NTNG2: variants seen among roughly 807,000 people sequenced by gnomAD.
NTNG2 encodes the protein netrin-G2.
In NTNG2, 15 loss-of-function variants were observed where a neutral mutation model predicts 47.6. The ratio of observed to expected loss-of-function variants is 0.32; its 90% CI spans 0.21 to 0.49. The LOEUF is 0.49. Among genes scored for constraint, NTNG2 ranks in the 20% least tolerant of loss-of-function variants. The pLI is 0.99. For missense variants in NTNG2, 578 were observed against 764.6 expected (o/e 0.76, Z 2.88); for synonymous variants, 307 against 324.6 (o/e 0.95, Z 0.58).
chr9:132,210,865 G>A (rs1839538483), intron 3 of NTNG2, among the ~76,000 whole-genome samples: 2 of 152,150 alleles, frequency 1.3e-5, no homozygotes, highest in Middle Eastern at 6.8e-3. Context: ...GCCTGTTTTA[G>A]ACTCACAGAT....
chr9:132,227,672 C>T (rs1370964343), intron 4 of NTNG2, among the ~76,000 whole-genome samples: 5 of 152,314 alleles, frequency 3.3e-5, no homozygotes, highest in East Asian at 3.9e-4. Flanking sequence ...TCCCCCCGCA[C>T]GTGCTCTCTG....
At chr9:132,194,890 C>A (rs1033413628) in intron 2 of NTNG2, among the ~76,000 whole-genome samples, 1 of 152,216 alleles carries the variant, frequency 6.6e-6, no homozygotes, top group Non-Finnish European at 1.5e-5. Flanking sequence ...TGGTGGGGGC[C>A]GCGGGGCTGT....
intron 3 of NTNG2, among the ~76,000 whole-genome samples, chr9:132,214,271 C>G (rs986835585): frequency 6.6e-6 from 1 of 152,254 alleles, no homozygotes; most frequent in Admixed American, 6.5e-5. Context: ...AAGGGCCCCG[C>G]TCACGATTTT....
intron 2 of NTNG2, among the ~76,000 whole-genome samples, chr9:132,185,517 C>T (rs1401469129): frequency 6.6e-6 from 1 of 152,136 alleles, no homozygotes; most frequent in Non-Finnish European, 1.5e-5. Context: ...CTAGCTTATG[C>T]TCTGCACAAG....
intron 5 of NTNG2, among the ~76,000 whole-genome samples, chr9:132,237,254 G>A (rs1841696394): frequency 6.6e-6 from 1 of 152,146 alleles, no homozygotes; most frequent in Non-Finnish European, 1.5e-5. Context: ...GAGGAGAGGG[G>A]CTGTGTGATT....
In NTNG2 at chr9:132,197,889, G is replaced by T. The variant is rs1462134410; in HGVS notation, c.214-77G>T. ...CAGGTTTCTCGGTTCGCAGGCAGGG[G>T]CTAGGCCGCGCAGAGGCTTCCCAGG... On this transcript the variant is annotated intron_variant, in intron 2 of 7. Coordinates refer to ENST00000393229, the MANE Select transcript of NTNG2 (RefSeq NM_032536.4). This position sits in a 1 kb window ranked among gnomAD's most constrained non-coding sequence, Gnocchi z 4.3. 1.5e-5 allele frequency: 21 copies of T among 1,435,114 alleles called. No homozygotes were observed. The highest frequency in any genetic ancestry group is 2.0e-5 in the Non-Finnish European group (21 of 1,061,186). 88.9% of individuals were successfully genotyped at this position (1,435,114 alleles called of 1,614,324 possible).
intron 4 of NTNG2, among the ~76,000 whole-genome samples, chr9:132,227,841 T>G (rs1840898585): frequency 6.6e-6 from 1 of 152,216 alleles, no homozygotes; most frequent in African/African-American, 2.4e-5. Flanking sequence ...AGGAAGCCCC[T>G]GGGCTGCAAG....
At chr9:132,241,163 G>C (rs2131056654) in intron 7 of NTNG2, 119 bp downstream of exon 7, 2 of 1,283,874 alleles carry the variant, frequency 1.6e-6, no homozygotes, top group Admixed American at 2.8e-5. Flanking sequence ...TAGCAAGACG[G>C]GGCAGGGCCG....
rs1014892889 is a variant in NTNG2 at position 132,226,749 on chromosome 9, ACCCTCCTGGGC to A, written c.858-89_858-79del. ...AGGGTTTCTTCCTGGGCAGCCCAAC[ACCCTCCTGGGC>A]CCCTCCTGGGAGGCGCTCCTTTCCC... On this transcript the variant is annotated intron_variant, in intron 3 of 7. Coordinates refer to ENST00000393229, the MANE Select transcript of NTNG2 (RefSeq NM_032536.4). This position sits in a 1 kb window ranked among gnomAD's most constrained non-coding sequence, Gnocchi z 4.8. 1.0e-4 allele frequency: 112 copies of A among 1,102,196 alleles called. No homozygotes were observed. The highest frequency in any genetic ancestry group is 1.3e-4 in the Non-Finnish European group (102 of 800,318). The allele number at this position is 1,102,196 out of a possible 1,614,324, so 68.3% of individuals were successfully genotyped here.
At chr9:132,167,106 C>A (rs1835546831) in intron 2 of NTNG2, 62 bp downstream of exon 2, 1 of 1,563,604 alleles carries the variant, frequency 6.4e-7, no homozygotes, top group Non-Finnish European at 8.8e-7. Context: ...TGGAGGAGAT[C>A]CTTGGGGTGG....
At chr9:132,212,928 C>T (rs1021532672) in intron 3 of NTNG2, among the ~76,000 whole-genome samples, 1 of 147,682 alleles carries the variant, frequency 6.8e-6, no homozygotes. Context: ...CACATCTCTC[C>T]CAACCCCCCA....
chr9:132,174,081 G>GAC (rs1836188292), intron 2 of NTNG2, among the ~76,000 whole-genome samples: 1 of 145,574 alleles, frequency 6.9e-6, no homozygotes, highest in Non-Finnish European at 1.5e-5. Flanking sequence ...CGGACAGACG[G>GAC]ACAGATAGGC....
At chr9:132,179,502 G>A (rs1175972428) in intron 2 of NTNG2, among the ~76,000 whole-genome samples, 1 of 152,198 alleles carries the variant, frequency 6.6e-6, no homozygotes, top group Non-Finnish European at 1.5e-5. Context: ...GCAAGGCCGG[G>A]TAGGATGGTG....
chr9:132,172,761 G>A (rs1392618072), intron 2 of NTNG2, among the ~76,000 whole-genome samples: 4 of 120,208 alleles, frequency 3.3e-5, no homozygotes, highest in South Asian at 2.6e-4. Flanking sequence ...TCAAAGTCTC[G>A]CTCTGTCGCC....
chr9:132,166,957 G>C lies in NTNG2; in HGVS notation c.126G>C (p.Lys42Asn). The change falls in exon 2 of 8, where the codon AAG (lysine) becomes AAC (asparagine). Residue 42 changes from lysine to asparagine, a missense_variant. Lys to Asn is a moderately conservative substitution (Grantham distance 94). Coordinates refer to ENST00000393229, the MANE Select transcript of NTNG2 (RefSeq NM_032536.4). ...PTWEFYACQP[K>N]VMRLKDYVKV... ...GGGAGTTCTACGCCTGCCAGCCCAA[G>C]GTGATGCGCCTGAAGGACTACGTCA... 1.9e-6 allele frequency: 3 copies of C among 1,614,240 alleles called. No individual in the cohort carries two copies. The highest frequency in any genetic ancestry group is 2.5e-6 in the Non-Finnish European group (3 of 1,180,036).
chr9:132,230,628 C>T, intron 5 of NTNG2, 33 bp downstream of exon 5: 1 of 1,598,562 alleles, frequency 6.3e-7, no homozygotes, highest in Non-Finnish European at 8.5e-7. Flanking sequence ...TGGCCAGGGC[C>T]CCCACTGCAC....
chr9:132,241,122 G>A, intron 7 of NTNG2, 78 bp downstream of exon 7: 1 of 1,464,054 alleles, frequency 6.8e-7, no homozygotes, highest in Non-Finnish European at 9.0e-7. Flanking sequence ...GCGGGGCCTA[G>A]TGGGACGGGG....
At chr9:132,222,046 C>T (rs1412846207) in intron 3 of NTNG2, among the ~76,000 whole-genome samples, 1 of 152,162 alleles carries the variant, frequency 6.6e-6, no homozygotes, top group Non-Finnish European at 1.5e-5. Flanking sequence ...GATAGGAATT[C>T]AGAAGTTGCG....
At chr9:132,214,623 C>T (rs1457885429) in intron 3 of NTNG2, among the ~76,000 whole-genome samples, 1 of 152,192 alleles carries the variant, frequency 6.6e-6, no homozygotes, top group Non-Finnish European at 1.5e-5. Flanking sequence ...GGCCAGCTTC[C>T]AGCAAGCAAG....
Sources: allele counts gnomAD v4.1 joint callset (sites outside exome capture counted in the v4.1 genomes callset), GRCh38; gene constraint gnomAD v4.1.1; non-coding constraint Gnocchi (gnomAD v3.1); transcripts MANE v1.5; gene names NCBI Gene and HGNC (gene_info 2026-07-23, HGNC 2026-07-21).